Variants in QRICH2 observed in about 807,000 individuals in gnomAD.
QRICH2 encodes glutamine rich 2, also known as glutamine-rich protein 2.
In QRICH2, 119 loss-of-function variants were observed where a neutral mutation model predicts 168.3. The observed-to-expected ratio is 0.71, with a 90% CI of 0.61 to 0.82. The LOEUF (loss-of-function observed/expected upper bound fraction) is 0.82, where lower values mean the gene tolerates loss of function less well. Ranked by LOEUF, QRICH2 falls within the 40% of genes least tolerant of loss-of-function variation. The pLI is 0.00. For synonymous variants in QRICH2, 894 were observed against 951.2 expected (o/e 0.94, Z 1.11); for missense variants, 2,241 against 2,491.6 (o/e 0.90, Z 2.14).
Position 76,292,092 on chromosome 17 carries a change from G to T in QRICH2, c.2635C>A (p.Arg879Ser). The T allele has an allele frequency of 1.2e-6, 2 of 1,613,176 alleles. No homozygotes were observed. Among genetic ancestry groups the T allele is most frequent in the Non-Finnish European group, 1.7e-6 (2 of 1,179,236 alleles). The change falls in exon 4 of 19, where the codon CGT (arginine) becomes AGT (serine). Residue 879 changes from arginine to serine, a missense_variant. Coordinates refer to ENST00000680821, the MANE Select transcript of QRICH2 (RefSeq NM_001388453.1). ...TCCATTCCAGGTTGGACCAAACCACGCTGATCCACTCCAGGTTGCACCAAA... is the reference window on the plus strand; with the variant it reads ...TCCATTCCAGGTTGGACCAAACCACTCTGATCCACTCCAGGTTGCACCAAA... ...RGLVQPGVDQ[R>S]GLVQPGMDQR...
chr17:76,279,335 G>T, intron 13 of QRICH2, 28 bp downstream of exon 13: 7 of 1,597,964 alleles, frequency 4.4e-6, no homozygotes, highest in Non-Finnish European at 6.0e-6. Flanking sequence ...GCCATGCGAG[G>T]CCACGTGCCG....
At chr17:76,282,147 AGT>A (rs1336002050) in intron 7 of QRICH2, 32 bp from the exon 8 acceptor site, 2 of 1,576,356 alleles carry the variant, frequency 1.3e-6, no homozygotes, top group African/African-American at 2.7e-5. Flanking sequence ...GCAGCAGGGC[AGT>A]GAGGCCAGTC....
rs61553346 is a variant in QRICH2 at position 76,284,168 on chromosome 17, C to CAAAAAAAAAAAAAAAA, written c.4012-2069_4012-2054dup. Among the ~76,000 whole-genome samples the CAAAAAAAAAAAAAAAA allele has an allele frequency of 6.2e-4, 39 of 62,740 alleles. 1 individual carries two copies. The highest frequency in any genetic ancestry group is 8.9e-4 in the Admixed American group (5 of 5,602). 41.2% of individuals were successfully genotyped at this position (62,740 alleles called of 152,430 possible). On this transcript the variant is annotated intron_variant, in intron 7 of 18. Coordinates refer to ENST00000680821, the MANE Select transcript of QRICH2 (RefSeq NM_001388453.1). ...GGGCAACAGAGCAAAACTCTGTCTC[C>CAAAAAAAAAAAAAAAA]AAAAAAAAAAAAAAAAAAAAAAAAA...
rs1172828669 is a variant in QRICH2, at chr17:76,280,947, C to A, written c.4270G>T (p.Glu1424Ter). The part of the protein sequence containing the change: ...KKAKLQRQDE[E>*]LLGRVQSAIL... ...GCACTCTGCACACGGCCCAGCAGCT[C>A]CTCGTCCTGCGGCAGGAGGGATGGG... Residue 1424 changes from glutamate (E) to a stop codon, truncating the protein, a stop_gained, in exon 9 of 19, where the codon GAG (glutamate) becomes TAG (stop). Transcript: ENST00000680821. LOFTEE classifies it high-confidence loss of function. The surrounding 1 kb of genome is among the most constrained non-coding windows in gnomAD (Gnocchi z 7.4). 3.1e-6 allele frequency: 5 copies of A among 1,609,380 alleles called. No homozygotes were observed. The highest frequency in any genetic ancestry group is 3.4e-6 in the Non-Finnish European group (4 of 1,179,938).
intron 2 of QRICH2, 27 bp from the exon 3 acceptor site, chr17:76,304,552 A>G (rs1468804583): frequency 2.0e-6 from 3 of 1,496,296 alleles, no homozygotes; most frequent in South Asian, 2.3e-5. Context: ...AGACACACAC[A>G]TACACCCCTT....
At chr17:76,287,747 G>T in intron 6 of QRICH2, 53 bp downstream of exon 6, 1 of 1,388,336 alleles carries the variant, frequency 7.2e-7, no homozygotes, top group Non-Finnish European at 1.0e-6. Flanking sequence ...CACCTCCTTG[G>T]CTGAGAATTC....
chr17:76,281,725 T>A lies in QRICH2; in HGVS notation c.4263+139A>T. The stretch of plus-strand genomic sequence containing the variant: ...AGAAAGACCAGGGACTCTTGTGGGA[T>A]CTGGCTAAAGGGCTCCGCCACGGAG... On this transcript the variant is annotated intron_variant, in intron 8 of 18. Transcript: ENST00000680821. This position sits in a 1 kb window ranked among gnomAD's most constrained non-coding sequence, Gnocchi z 4.4. 1 of 1,021,196 alleles carries A rather than the reference T, an allele frequency of 9.8e-7. No homozygotes were observed. The highest frequency in any genetic ancestry group is 1.4e-6 in the Non-Finnish European group (1 of 694,704). The allele number at this position is 1,021,196 out of a possible 1,614,324, so 63.3% of individuals were successfully genotyped here. A position where few individuals can be genotyped will look rare whatever the true frequency, so the allele number is the denominator to read the frequency against.
chr17:76,297,894 T>C (rs2070827394), intron 3 of QRICH2, among the ~76,000 whole-genome samples: 1 of 107,590 alleles, frequency 9.3e-6, no homozygotes, highest in Non-Finnish European at 1.7e-5. Context: ...TTTTTTTTTT[T>C]TTGAGACAGA....
At chr17:76,286,991 G>T (rs1317353407) in intron 7 of QRICH2, among the ~76,000 whole-genome samples, 1 of 149,168 alleles carries the variant, frequency 6.7e-6, no homozygotes, top group Admixed American at 6.8e-5. Context: ...AAGGAATCTG[G>T]ATCCTGGACA....
In QRICH2 at chr17:76,308,143, G is replaced by A. The variant is rs1424521158; in HGVS notation, c.-145C>T. The A allele has an allele frequency of 4.1e-6, 5 of 1,213,262 alleles. No individual in the cohort carries two copies. Among genetic ancestry groups the A allele is most frequent in the Non-Finnish European group, 5.1e-6 (5 of 978,726 alleles). 75.2% of individuals were successfully genotyped at this position (1,213,262 alleles called of 1,614,324 possible). On this transcript the variant is annotated 5_prime_UTR_variant, in exon 1 of 19. Coordinates refer to ENST00000680821, the MANE Select transcript of QRICH2 (RefSeq NM_001388453.1). ...GGGTCCGGCCGAGTCACTGGACAGA[G>A]CTCCTGCCTCCAGGGAATCTGCGCC... is the stretch of plus-strand genomic sequence containing the variant.
rs2071008874 is a variant in QRICH2 at position 76,307,513 on chromosome 17, C to T, written c.486G>A (p.Arg162=). 1.2e-6 allele frequency: 2 copies of T among 1,613,380 alleles called. No homozygotes were observed. The change falls in exon 1 of 19, where the codon CGG becomes CGA. Residue 162 remains arginine, a synonymous_variant. Transcript: ENST00000680821. The surrounding 1 kb of genome is among the most constrained non-coding windows in gnomAD (Gnocchi z 5.3). ...EVGVRAFDRV[R]TGSIMKDAAE... ...CGGCGTCCTTCATGATACTCCCAGT[C>T]CGCACCCTATCGAACGCCCGCACGC...
At chr17:76,294,106 T>C in intron 3 of QRICH2, 85 bp from the exon 4 acceptor site, 1 of 1,480,936 alleles carries the variant, frequency 6.8e-7, no homozygotes, top group Non-Finnish European at 9.0e-7. Context: ...AAGTTCTGAC[T>C]AGGATGATTT....
At chr17:76,308,485 C>T (rs1021093712), upstream of QRICH2, 1 of 985,256 alleles carries the variant, frequency 1.0e-6, no homozygotes, top group Non-Finnish European at 1.2e-6. Flanking sequence ...GGCGGGGCCA[C>T]ATAAGGAAAG....
rs555533559 is a variant in QRICH2, at chr17:76,304,739, T to A, written c.594+143A>T. ...AGCGCTGGGCAGGGCTGGGGCAGAT[T>A]TCCCTCCAACCCTGGGGCAGAGACT... On this transcript the variant is annotated intron_variant, in intron 2 of 18. Coordinates refer to ENST00000680821, the MANE Select transcript of QRICH2 (RefSeq NM_001388453.1). 4 of 775,404 alleles carry A rather than the reference T, an allele frequency of 5.2e-6. No individual in the cohort carries two copies. The East Asian group carries it at 9.7e-5, about 19-fold the overall frequency. 48.0% of individuals were successfully genotyped at this position (775,404 alleles called of 1,614,324 possible).
chr17:76,304,869 T>G lies in QRICH2; in HGVS notation c.594+13A>C, dbSNP rs781608368. 6.3e-7 allele frequency: 1 copy of G among 1,596,726 alleles called. No individual in the cohort carries two copies. The highest frequency in any genetic ancestry group is 8.6e-7 in the Non-Finnish European group (1 of 1,164,172). ...CCTGGAGAGCCCTTTCCCATGGAAC[T>G]GGCTGGTATTACCAGGAATTGCTCC... On this transcript the variant is annotated intron_variant, in intron 2 of 18. Coordinates refer to ENST00000680821, the MANE Select transcript of QRICH2 (RefSeq NM_001388453.1).
intron 3 of QRICH2, among the ~76,000 whole-genome samples, chr17:76,300,691 C>G (rs2070882634): frequency 6.6e-6 from 1 of 152,116 alleles, no homozygotes; most frequent in African/African-American, 2.4e-5. Flanking sequence ...GAGGCCAAGG[C>G]TGGCAGACTG....
upstream of QRICH2, chr17:76,308,581 T>G (rs1324451012): frequency 9.6e-6 from 7 of 727,908 alleles, no homozygotes; most frequent in African/African-American, 5.8e-5. Flanking sequence ...GCCCCATGTC[T>G]AAGGGATGCA....
rs556232216 is a variant in QRICH2 at position 76,287,954 on chromosome 17, G to A, written c.3799-57C>T. ...AGGCCTGAGCTCCCGCTTCCCAAGT[G>A]TGCCCTTGCATGCAGCTCATGCCAG... On this transcript the variant is annotated intron_variant, in intron 5 of 18. Coordinates refer to ENST00000680821, the MANE Select transcript of QRICH2 (RefSeq NM_001388453.1). 5.0e-6 allele frequency: 7 copies of A among 1,407,120 alleles called. No homozygotes were observed. In the East Asian group the frequency reaches 1.4e-4, roughly 27 times the overall value. 87.2% of individuals were successfully genotyped at this position (1,407,120 alleles called of 1,614,324 possible).
rs1045472710 is a variant in QRICH2, at chr17:76,279,124, G to A, written c.4833C>T (p.Pro1611=). ...GGTGCCCAGGTAGGCCTGGACCCGCGGGGGTCACGGGGATGGCACTGGGCA... is the reference window on the plus strand; with the variant it reads ...GGTGCCCAGGTAGGCCTGGACCCGCAGGGGTCACGGGGATGGCACTGGGCA... ...PVTGHAIPVT[P]AGPGLPGHHS... is the part of the protein sequence containing the mutation. Residue 1611 remains proline (P), a synonymous_variant, in exon 14 of 19, where the codon CCC becomes CCT. Transcript: ENST00000680821. The A allele has an allele frequency of 1.1e-5, 18 of 1,612,900 alleles. No individual in the cohort carries two copies. Among genetic ancestry groups the A allele is most frequent in the East Asian group, 4.5e-5 (2 of 44,874 alleles).
Sources: gnomAD v4.1 joint callset for allele counts (sites outside exome capture counted in the v4.1 genomes callset) on GRCh38, gnomAD v4.1.1 for gene constraint, Gnocchi (gnomAD v3.1) non-coding constraint, MANE v1.5 for transcripts, NCBI Gene and HGNC (gene_info 2026-07-23, HGNC 2026-07-21) for gene names.